The following FAM120B variants were observed in gnomAD, a reference collection of about 807,000 sequenced individuals.
FAM120B encodes the protein constitutive coactivator of peroxisome proliferator-activated receptor gamma.
FAM120B carries 83 observed loss-of-function variants against 96.3 expected under a neutral mutation model. That is an observed-to-expected ratio of 0.86 (90% CI 0.72 to 1.03). The LOEUF (loss-of-function observed/expected upper bound fraction) is 1.03. Ranked by LOEUF, FAM120B falls within the 50% of genes least tolerant of loss-of-function variation. The pLI is 0.00. For synonymous variants in FAM120B, 407 were observed against 402.7 expected (o/e 1.01, Z -0.13); for missense variants, 1,027 against 1,121.2 (o/e 0.92, Z 1.20).
chr6:170,305,564 G>A (rs988424459), upstream of FAM120B, among the ~76,000 whole-genome samples: 8 of 152,344 alleles, frequency 5.3e-5, no homozygotes, highest in South Asian at 1.2e-3. Flanking sequence ...TTACTTTCCT[G>A]ATGGAAGACT....
intron 6 of FAM120B, among the ~76,000 whole-genome samples, chr6:170,366,741 A>G (rs1231274576): frequency 6.6e-6 from 1 of 152,196 alleles, no homozygotes; most frequent in Admixed American, 6.5e-5. Context: ...ACATTGTGAC[A>G]TTATCCAACA....
At chr6:170,299,779 A>C (rs986981646) in intron 1 of FAM120B, among the ~76,000 whole-genome samples, 13 of 152,242 alleles carry the variant, frequency 8.5e-5, no homozygotes, top group African/African-American at 2.9e-4. Flanking sequence ...TCAGGAAAGA[A>C]GGTGGTTTGA....
chr6:170,318,974 C>T lies in FAM120B; in HGVS notation c.1584C>T (p.Ile528=). Residue 528 remains isoleucine (I), a synonymous_variant, in exon 2 of 11, where the codon ATC becomes ATT. Transcript: ENST00000476287. ...QEDSMCTHAE[I]NQKLPVATDF... ...ACTCCATGTGTACACACGCTGAAAT[C>T]AATCAAAAATTACCTGTAGCAACAG... 6.2e-7 allele frequency: 1 copy of T among 1,614,166 alleles called. No individual in the cohort carries two copies. The highest frequency in any genetic ancestry group is 8.5e-7 in the Non-Finnish European group (1 of 1,180,020).
intron 9 of FAM120B, among the ~76,000 whole-genome samples, chr6:170,397,096 G>A (rs1778216682): frequency 6.6e-6 from 1 of 152,222 alleles, no homozygotes; most frequent in African/African-American, 2.4e-5. Context: ...GTGGGCTGGG[G>A]GCCTACAGCC....
chr6:170,311,588 C>G (rs1265494831), intron 1 of FAM120B, among the ~76,000 whole-genome samples: 2 of 152,194 alleles, frequency 1.3e-5, no homozygotes, highest in Non-Finnish European at 2.9e-5. Flanking sequence ...CAGGGTTTGT[C>G]TTAGAGCCCT....
At chr6:170,360,827 A>T (rs954549294) in intron 6 of FAM120B, among the ~76,000 whole-genome samples, 3 of 152,052 alleles carry the variant, frequency 2.0e-5, no homozygotes, top group African/African-American at 7.2e-5. Context: ...CCAGCCAAGG[A>T]CTGGCTTGAA....
chr6:170,373,707 T>C (rs1034723704), intron 6 of FAM120B, among the ~76,000 whole-genome samples: 1 of 152,176 alleles, frequency 6.6e-6, no homozygotes, highest in African/African-American at 2.4e-5. Flanking sequence ...GCTTACGTTA[T>C]AATTAGAAAA....
At position 170,358,201 on chromosome 6, in the gene FAM120B, A is replaced by G. The variant is rs80004194; in HGVS notation, c.2191-25A>G. ...TGTTTAATTTTTCCTGTAGCCTAACACTGGCCTTTCTCTGTCCTTTTCAGG... is the reference window on the plus strand; with the variant it reads ...TGTTTAATTTTTCCTGTAGCCTAACGCTGGCCTTTCTCTGTCCTTTTCAGG... On this transcript the variant is annotated intron_variant, in intron 5 of 10. Transcript: ENST00000476287. The G allele has an allele frequency of 2.8e-3, 4,325 of 1,558,024 alleles. 109 individuals carry two copies. The African/African-American group carries it at 0.053, about 19-fold the overall frequency.
At chr6:170,352,495 G>T (rs949859539) in intron 5 of FAM120B, among the ~76,000 whole-genome samples, 4 of 152,096 alleles carry the variant, frequency 2.6e-5, no homozygotes, top group African/African-American at 9.7e-5. Flanking sequence ...TTGCTGCTCG[G>T]CACTTACTCT....
At chr6:170,375,372 TAAC>T (rs1348375724) in intron 6 of FAM120B, among the ~76,000 whole-genome samples, 5 of 152,220 alleles carry the variant, frequency 3.3e-5, no homozygotes, top group South Asian at 2.1e-4. Context: ...CTGTTGTTCT[TAAC>T]AACAAGCGTC....
intron 6 of FAM120B, among the ~76,000 whole-genome samples, chr6:170,382,475 C>G (rs911279037): frequency 2.0e-5 from 3 of 152,006 alleles, no homozygotes; most frequent in Admixed American, 6.5e-5. Context: ...ACCTATATAC[C>G]AAAAATCACT....
In FAM120B at chr6:170,306,769, C is replaced by T. The variant is rs577023600; in HGVS notation, c.-95C>T. 5.6e-4 allele frequency: 86 copies of T among 153,470 alleles called. No individual in the cohort carries two copies. The South Asian group carries it at 8.7e-3, about 15-fold the overall frequency. 9.5% of individuals were successfully genotyped at this position (153,470 alleles called of 1,614,324 possible). A position where few individuals can be genotyped will look rare whatever the true frequency, so the allele number is the denominator to read the frequency against. On this transcript the variant is annotated 5_prime_UTR_variant, in exon 1 of 11. Transcript: ENST00000476287. ...GCGGAAGCGGAAGTGAACGAGGCGG[C>T]TGTGGCGGTGGCTGAGGCGGCTGGG...
At chr6:170,346,494 A>C (rs578257646) in intron 4 of FAM120B, among the ~76,000 whole-genome samples, 2 of 152,332 alleles carry the variant, frequency 1.3e-5, no homozygotes, top group Non-Finnish European at 1.5e-5. Flanking sequence ...TACTTACCTT[A>C]GATCCGAGAC....
At chr6:170,314,698 G>T (rs1234090544) in intron 1 of FAM120B, among the ~76,000 whole-genome samples, 1 of 152,112 alleles carries the variant, frequency 6.6e-6, no homozygotes, top group African/African-American at 2.4e-5. Flanking sequence ...AATTTAAAGC[G>T]ATATCCATGG....
intron 6 of FAM120B, among the ~76,000 whole-genome samples, chr6:170,378,013 GAGTC>G (rs554206912): frequency 5.9e-5 from 9 of 152,238 alleles, no homozygotes; most frequent in Non-Finnish European, 1.0e-4. Flanking sequence ...TTTATGTTTT[GAGTC>G]AGTCAGCCCT....
At position 170,370,964 on chromosome 6, in the gene FAM120B, G is replaced by A. The variant is rs762442454; in HGVS notation, c.2283+12646G>A. 1.3e-5 allele frequency among the ~76,000 whole-genome samples: 2 copies of A among 151,984 alleles called. No individual in the cohort carries two copies. Among genetic ancestry groups the A allele is most frequent in the African/African-American group, 2.4e-5 (1 of 41,370 alleles). Reference sequence around the variant, plus strand: ...AAATGGTGTATATATATCTCAATACGGATGGATGGATAGACAGACATTATT... The same window carrying A: ...AAATGGTGTATATATATCTCAATACAGATGGATGGATAGACAGACATTATT... On this transcript the variant is annotated intron_variant, in intron 6 of 10. Coordinates refer to ENST00000476287, the MANE Select transcript of FAM120B (RefSeq NM_032448.3). The surrounding 1 kb of genome is among the most constrained non-coding windows in gnomAD (Gnocchi z 4.3).
chr6:170,347,435 G>T (rs1271165662), intron 4 of FAM120B, among the ~76,000 whole-genome samples: 1 of 152,142 alleles, frequency 6.6e-6, no homozygotes, highest in South Asian at 2.1e-4. Flanking sequence ...ATTTGTCGTG[G>T]TTTCAGTCAA....
chr6:170,328,541 A>C (rs905177750), intron 3 of FAM120B, among the ~76,000 whole-genome samples: 1 of 152,170 alleles, frequency 6.6e-6, no homozygotes, highest in Admixed American at 6.5e-5. Context: ...CCCATGTGTT[A>C]CGTGGCTTTT....
At position 170,336,360 on chromosome 6, in the gene FAM120B, A is replaced by G. The variant is rs867885466; in HGVS notation, c.2017+5810A>G. On this transcript the variant is annotated intron_variant, in intron 4 of 10. Transcript: ENST00000476287. ...TTTGTCAAAGATCAGATGGTTGTAG[A>G]TGTGTGGTGTTATTTCTGAGGCCTT... 7.9e-5 allele frequency among the ~76,000 whole-genome samples: 12 copies of G among 152,012 alleles called. 1 individual carries two copies. In the Middle Eastern group the frequency reaches 0.014, roughly 172 times the overall value.
Sources: gnomAD v4.1 joint callset for allele counts (sites outside exome capture counted in the v4.1 genomes callset) on GRCh38, gnomAD v4.1.1 for gene constraint, Gnocchi (gnomAD v3.1) non-coding constraint, MANE v1.5 for transcripts, NCBI Gene and HGNC (gene_info 2026-07-23, HGNC 2026-07-21) for gene names.